Variants in CCDC85C observed in about 807,000 individuals in gnomAD.
CCDC85C encodes coiled-coil domain-containing protein 85C.
A neutral mutation model predicts 38.3 loss-of-function variants in CCDC85C; 18 were observed. That is an observed-to-expected ratio of 0.47 (90% CI 0.33 to 0.70). CCDC85C has a LOEUF of 0.70. Ranked by LOEUF, CCDC85C falls within the 30% of genes least tolerant of loss-of-function variation. CCDC85C has a pLI of 0.03. For missense variants in CCDC85C, 566 were observed against 621.2 expected, an observed-to-expected ratio of 0.91 and a Z score of 0.94; for synonymous variants, 264 against 293.8, an observed-to-expected ratio of 0.90 and a Z score of 1.04.
In CCDC85C at chr14:99,501,274, G is replaced by A. The variant is rs1254308934; in HGVS notation, c.*13972C>T. 1.7e-5 allele frequency: 15 copies of A among 886,418 alleles called. No individual in the cohort carries two copies. Among genetic ancestry groups the A allele is most frequent in the East Asian group, 9.6e-5 (4 of 41,660 alleles). The allele number at this position is 886,418 out of a possible 1,614,324, so 54.9% of individuals were successfully genotyped here. A position where few individuals can be genotyped will look rare whatever the true frequency, so the allele number is the denominator to read the frequency against. On this transcript the variant is annotated 3_prime_UTR_variant, in exon 6 of 6. Coordinates refer to ENST00000380243, the MANE Select transcript of CCDC85C (RefSeq NM_001144995.2). ...TGTGTATTTGAGTGGTGCTGAACACGTGGTAGGTTTTTAATAAATACTTGA... is the reference window on the plus strand; with the variant it reads ...TGTGTATTTGAGTGGTGCTGAACACATGGTAGGTTTTTAATAAATACTTGA...
At position 99,572,664 on chromosome 14, in the gene CCDC85C, C is replaced by T. The variant is rs959218111; in HGVS notation, c.793+30503G>A. ...CATCCAAGCCCCAGGTGACCTGGCCCCTCCTTAAGAGGCCTCCCCTGCCAC... is the reference window on the plus strand; with the variant it reads ...CATCCAAGCCCCAGGTGACCTGGCCTCTCCTTAAGAGGCCTCCCCTGCCAC... On this transcript the variant is annotated intron_variant, in intron 1 of 5. Coordinates refer to ENST00000380243, the MANE Select transcript of CCDC85C (RefSeq NM_001144995.2). This position sits in a 1 kb window ranked among gnomAD's most constrained non-coding sequence, Gnocchi z 4.4. 1.5e-4 allele frequency: 68 copies of T among 455,916 alleles called. No individual in the cohort carries two copies. In the East Asian group the frequency reaches 1.8e-3, roughly 12 times the overall value. The allele number at this position is 455,916 out of a possible 1,614,324, so 28.2% of individuals were successfully genotyped here.
rs1279694311 is a variant in CCDC85C at position 99,508,953 on chromosome 14, T to C, written c.*6293A>G. 6.6e-6 allele frequency: 1 copy of C among 152,254 alleles called. No individual in the cohort carries two copies. The highest frequency in any genetic ancestry group is 1.5e-5 in the Non-Finnish European group (1 of 68,044). The allele number at this position is 152,254 out of a possible 1,614,324, so 9.4% of individuals were successfully genotyped here. A position where few individuals can be genotyped will look rare whatever the true frequency, so the allele number is the denominator to read the frequency against. On this transcript the variant is annotated 3_prime_UTR_variant, in exon 6 of 6. Coordinates refer to ENST00000380243, the MANE Select transcript of CCDC85C (RefSeq NM_001144995.2). ...AACCACAGGGCATCTGGCCCTGACC[T>C]GGAGCCAAAGCCAGTTATCTAAGGC...
chr14:99,589,118 G>C (rs8017779), intron 1 of CCDC85C, among the ~76,000 whole-genome samples: 145,926 of 151,502 alleles, frequency 0.96, 70,488 homozygotes, highest in South Asian at 1. Context: ...GCCCTGAGGA[G>C]AGCAGGCAGG....
chr14:99,542,319 C>T (rs1435613006), intron 1 of CCDC85C, among the ~76,000 whole-genome samples: 5 of 152,192 alleles, frequency 3.3e-5, no homozygotes, highest in African/African-American at 7.2e-5. Flanking sequence ...CAGGGAGAAC[C>T]GGGCTCCAGG....
At chr14:99,534,098 G>A (rs1184217605) in intron 2 of CCDC85C, among the ~76,000 whole-genome samples, 1 of 152,204 alleles carries the variant, frequency 6.6e-6, no homozygotes, top group Non-Finnish European at 1.5e-5. Flanking sequence ...GCTCACACCT[G>A]TAATCCCAGC....
chr14:99,542,146 C>CT, intron 1 of CCDC85C, among the ~76,000 whole-genome samples: 1 of 152,356 alleles, frequency 6.6e-6, no homozygotes, highest in South Asian at 2.1e-4. Flanking sequence ...AGCAGCTTGG[C>CT]TGATTAAATC....
chr14:99,604,184 G>A lies in CCDC85C; in HGVS notation c.-225C>T, dbSNP rs2055247966. Among the ~76,000 whole-genome samples the A allele has an allele frequency of 2.0e-5, 3 of 148,100 alleles. No individual in the cohort carries two copies. The highest frequency in any genetic ancestry group is 4.5e-5 in the Non-Finnish European group (3 of 66,466). On this transcript the variant is annotated 5_prime_UTR_variant, in exon 1 of 6. Coordinates refer to ENST00000380243, the MANE Select transcript of CCDC85C (RefSeq NM_001144995.2). ...AGGCGGCTGCTGCGTCGGCGGCCGCGGTGCCGGGCGCTCTCAGGGTTCTGG... is the reference window on the plus strand; with the variant it reads ...AGGCGGCTGCTGCGTCGGCGGCCGCAGTGCCGGGCGCTCTCAGGGTTCTGG...
intron 1 of CCDC85C, among the ~76,000 whole-genome samples, chr14:99,552,198 C>A (rs950085173): frequency 6.6e-6 from 1 of 152,212 alleles, no homozygotes; most frequent in Non-Finnish European, 1.5e-5. Flanking sequence ...GCTGTGAGCC[C>A]CCTCTAGCTG....
chr14:99,553,129 T>C (rs1283718392), intron 1 of CCDC85C, among the ~76,000 whole-genome samples: 1 of 152,214 alleles, frequency 6.6e-6, no homozygotes, highest in Non-Finnish European at 1.5e-5. Context: ...CACCAGTGAC[T>C]GACCGTCTCT....
chr14:99,571,345 G>GTAGTAATAATAATAATAATAATAATAA (rs35376895), intron 1 of CCDC85C, among the ~76,000 whole-genome samples: 12 of 149,918 alleles, frequency 8.0e-5, no homozygotes, highest in Admixed American at 4.7e-4. Context: ...AGTAGTAGTA[G>GTAGTAATAATAATAATAATAATAATAA]TAATAATAAT....
intron 1 of CCDC85C, among the ~76,000 whole-genome samples, chr14:99,580,828 G>A (rs950917568): frequency 6.6e-6 from 1 of 152,162 alleles, no homozygotes; most frequent in Non-Finnish European, 1.5e-5. Flanking sequence ...TCGCGCGACT[G>A]CACTCTAGCC....
chr14:99,594,175 G>A (rs2055119097), intron 1 of CCDC85C, among the ~76,000 whole-genome samples: 1 of 152,152 alleles, frequency 6.6e-6, no homozygotes, highest in Admixed American at 6.5e-5. Flanking sequence ...CACTGACTAT[G>A]CATTGCAACA....
rs1157033350 is a variant in CCDC85C at position 99,535,578 on chromosome 14, T to G, written c.867+437A>C. ...TGCACAGGGGTAGCAGCCTCATCTGTCTGTGGGTGAGGTCGGGCCCAGGAG... is the reference window on the plus strand; with the variant it reads ...TGCACAGGGGTAGCAGCCTCATCTGGCTGTGGGTGAGGTCGGGCCCAGGAG... On this transcript the variant is annotated intron_variant, in intron 2 of 5. Transcript: ENST00000380243. This position sits in a 1 kb window ranked among gnomAD's most constrained non-coding sequence, Gnocchi z 5.5. Among the ~76,000 whole-genome samples, 1 of 151,948 alleles carries G rather than the reference T, an allele frequency of 6.6e-6. No homozygotes were observed. Among genetic ancestry groups the G allele is most frequent in the Non-Finnish European group, 1.5e-5 (1 of 67,938 alleles).
chr14:99,534,732 G>A (rs1206943176), intron 2 of CCDC85C: 2 of 702,310 alleles, frequency 2.8e-6, no homozygotes, highest in East Asian at 2.7e-5. Flanking sequence ...GGCGTCTAGG[G>A]AGCCCCACTC....
Position 99,502,078 on chromosome 14 carries a change from T to C in CCDC85C, c.*13168A>G, listed in dbSNP as rs1896844622. On this transcript the variant is annotated 3_prime_UTR_variant, in exon 6 of 6. Transcript: ENST00000380243. ...AAGAGTAAAGACTTGAGTTTATTTA[T>C]TTATAGTACTTTAATTAAATTTAGG... 3.9e-6 allele frequency: 4 copies of C among 1,020,086 alleles called. No individual in the cohort carries two copies. Among genetic ancestry groups the C allele is most frequent in the African/African-American group, 1.6e-5 (1 of 60,786 alleles). The allele number at this position is 1,020,086 out of a possible 1,614,324, so 63.2% of individuals were successfully genotyped here.
At chr14:99,522,328 G>A (rs1897314392) in intron 2 of CCDC85C, 88 bp from the exon 3 acceptor site, 2 of 1,000,244 alleles carry the variant, frequency 2.0e-6, no homozygotes, top group Admixed American at 2.3e-5. Context: ...GGCAGCAGGG[G>A]CTGCTCAAAG....
intron 2 of CCDC85C, among the ~76,000 whole-genome samples, chr14:99,530,365 C>T (rs1272267334): frequency 6.6e-6 from 1 of 152,274 alleles, no homozygotes. Flanking sequence ...TACGGTATGG[C>T]GGCCAACCCA....
intron 1 of CCDC85C, among the ~76,000 whole-genome samples, chr14:99,582,850 A>G (rs1345946224): frequency 6.6e-6 from 1 of 152,224 alleles, no homozygotes; most frequent in African/African-American, 2.4e-5. Flanking sequence ...AAACTAGGGA[A>G]ATGTGAATCA....
chr14:99,593,820 C>G lies in CCDC85C; in HGVS notation c.793+9347G>C, dbSNP rs7153092. ...GAGCCTTCACAGCCTCCAATGACAC[C>G]AGGACCAACTGCACCCATCTCTGGG... On this transcript the variant is annotated intron_variant, in intron 1 of 5. Transcript: ENST00000380243. Among the ~76,000 whole-genome samples, 367 of 152,374 alleles carry G rather than the reference C, an allele frequency of 2.4e-3. 2 individuals are homozygous for G. The highest frequency in any genetic ancestry group is 8.4e-3 in the African/African-American group (348 of 41,594).
Sources: gnomAD v4.1 joint callset for allele counts (sites outside exome capture counted in the v4.1 genomes callset) on GRCh38, gnomAD v4.1.1 for gene constraint, Gnocchi (gnomAD v3.1) non-coding constraint, MANE v1.5 for transcripts, NCBI Gene and HGNC (gene_info 2026-07-23, HGNC 2026-07-21) for gene names.